The following FAM13A variants were observed in gnomAD, a reference collection of about 807,000 sequenced individuals.
The protein encoded by FAM13A is family with sequence similarity 13 member A, also known as protein FAM13A.
Under a neutral mutation model 129.6 loss-of-function variants are expected in FAM13A, and 76 were observed. The observed-to-expected ratio is 0.59, with a 90% CI of 0.49 to 0.71. FAM13A has a LOEUF of 0.71. Ranked by LOEUF, FAM13A falls within the 30% of genes least tolerant of loss-of-function variation. The probability of loss-of-function intolerance (pLI) is 0.00; values close to 1 mark genes in which losing one functional copy is unlikely to be tolerated. For synonymous variants in FAM13A, 443 were observed against 449.9 expected, an observed-to-expected ratio of 0.98 and a Z score of 0.20; for missense variants, 1,108 against 1,249.3, an observed-to-expected ratio of 0.89 and a Z score of 1.70.
At chr4:88,888,523 T>G (rs1040417313) in intron 6 of FAM13A, among the ~76,000 whole-genome samples, 11 of 152,076 alleles carry the variant, frequency 7.2e-5, no homozygotes, top group Non-Finnish European at 1.5e-4. Flanking sequence ...ACTGTCAACT[T>G]CCTTCAAGCC....
At chr4:89,044,620 C>T (rs1052577858) in intron 1 of FAM13A, among the ~76,000 whole-genome samples, 10 of 152,006 alleles carry the variant, frequency 6.6e-5, no homozygotes, top group Admixed American at 3.9e-4. Context: ...ATTTGTTCAA[C>T]GATGTTCATA....
At chr4:88,816,009 T>C (rs1435957957) in intron 7 of FAM13A, among the ~76,000 whole-genome samples, 1 of 151,346 alleles carries the variant, frequency 6.6e-6, no homozygotes, top group Non-Finnish European at 1.5e-5. Flanking sequence ...GAAAGGTAAA[T>C]TCAACTTTTT....
chr4:88,903,832 AAC>A (rs1747694217), intron 6 of FAM13A, among the ~76,000 whole-genome samples: 1 of 152,226 alleles, frequency 6.6e-6, no homozygotes, highest in East Asian at 1.9e-4. Context: ...CACCATAGTG[AAC>A]ACACAACCTG....
At chr4:89,039,335 A>G (rs2149153622) in intron 1 of FAM13A, among the ~76,000 whole-genome samples, 1 of 152,360 alleles carries the variant, frequency 6.6e-6, no homozygotes, top group Non-Finnish European at 1.5e-5. Context: ...TTTATTAAAG[A>G]AAAACATGGA....
chr4:88,961,529 G>A lies in FAM13A; in HGVS notation c.606-23288C>T, dbSNP rs550138799. Among the ~76,000 whole-genome samples the A allele has an allele frequency of 1.0e-3, 154 of 151,816 alleles. 1 individual carries two copies. Among genetic ancestry groups the A allele is most frequent in the Non-Finnish European group, 1.7e-3 (114 of 67,916 alleles). On this transcript the variant is annotated intron_variant, in intron 4 of 23. Transcript: ENST00000264344. ...ACTACAGGCGTGCACCACAATGCCC[G>A]GCTAATTTTTTGTATTTTTAGTAGA... is the stretch of plus-strand genomic sequence containing the variant.
intron 3 of FAM13A, among the ~76,000 whole-genome samples, chr4:89,002,212 G>C (rs914387051): frequency 6.8e-6 from 1 of 147,812 alleles, no homozygotes; most frequent in South Asian, 2.1e-4. Context: ...AGAGGAAACA[G>C]AAGAGTATGA....
At position 88,945,876 on chromosome 4, in the gene FAM13A, T is replaced by C. The variant is rs180766108; in HGVS notation, c.606-7635A>G. ...TATATATATACACATAGAATACATATATACTATGTATTCTATGTGTGTATA... is the reference window on the plus strand; with the variant it reads ...TATATATATACACATAGAATACATACATACTATGTATTCTATGTGTGTATA... On this transcript the variant is annotated intron_variant, in intron 4 of 23. Coordinates refer to ENST00000264344, the MANE Select transcript of FAM13A (RefSeq NM_014883.4). Among the ~76,000 whole-genome samples the C allele has an allele frequency of 2.1e-3, 254 of 123,032 alleles. 1 individual carries two copies. Among genetic ancestry groups the C allele is most frequent in the African/African-American group, 7.4e-3 (228 of 30,768 alleles). The allele number at this position is 123,032 out of a possible 152,430, so 80.7% of individuals were successfully genotyped here.
chr4:88,985,848 T>TAAA lies in FAM13A; in HGVS notation c.605+5122_605+5124dup, dbSNP rs56061264. 9.2e-4 allele frequency among the ~76,000 whole-genome samples: 134 copies of TAAA among 144,932 alleles called. 1 individual carries two copies. Among genetic ancestry groups the TAAA allele is most frequent in the African/African-American group, 3.0e-3 (119 of 39,848 alleles). ...AGTAATACACAAGCACAAAAAAGAA[T>TAAA]AAAAAAAAAAAAACTGTTGGAATGA... On this transcript the variant is annotated intron_variant, in intron 4 of 23. Transcript: ENST00000264344.
At position 88,737,653 on chromosome 4, in the gene FAM13A, T is replaced by G. The variant is rs567854902; in HGVS notation, c.2563-98A>C. ...GACCTCACCAGTATTTATTAACTTT[T>G]AACTCTGCATTCTTATCCCTCCCTG... On this transcript the variant is annotated intron_variant, in intron 20 of 23. Transcript: ENST00000264344. The G allele has an allele frequency of 1.1e-5, 10 of 909,788 alleles. 1 individual carries two copies. In the South Asian group the frequency reaches 1.4e-4, roughly 13 times the overall value. The allele number at this position is 909,788 out of a possible 1,614,324, so 56.4% of individuals were successfully genotyped here.
chr4:88,753,086 G>C (rs528323583), intron 14 of FAM13A, among the ~76,000 whole-genome samples: 1 of 152,284 alleles, frequency 6.6e-6, no homozygotes, highest in East Asian at 1.9e-4. Context: ...TAGTTTAAAA[G>C]GTGTTACCTT....
intron 5 of FAM13A, among the ~76,000 whole-genome samples, chr4:88,913,093 AGAGGAG>A (rs1249621468): frequency 6.6e-6 from 1 of 150,704 alleles, no homozygotes. Flanking sequence ...AAGAAGAAGA[AGAGGAG>A]GAGGAGGAAG....
intron 6 of FAM13A, among the ~76,000 whole-genome samples, chr4:88,859,902 G>T (rs1327763128): frequency 6.6e-6 from 1 of 152,020 alleles, no homozygotes; most frequent in Admixed American, 6.6e-5. Context: ...TTTCATTTTT[G>T]TATCTCCTGC....
intron 2 of FAM13A, among the ~76,000 whole-genome samples, chr4:89,021,974 A>C (rs958318734): frequency 6.6e-6 from 1 of 152,208 alleles, no homozygotes; most frequent in Non-Finnish European, 1.5e-5. Context: ...GCTACACACC[A>C]TGTAAGTGAA....
chr4:89,057,152 T>G lies in FAM13A; in HGVS notation c.-188A>C. The G allele has an allele frequency of 1.4e-6, 2 of 1,435,980 alleles. No individual in the cohort carries two copies. Among genetic ancestry groups the G allele is most frequent in the Non-Finnish European group, 1.8e-6 (2 of 1,096,618 alleles). The allele number at this position is 1,435,980 out of a possible 1,614,324, so 89.0% of individuals were successfully genotyped here. A position where few individuals can be genotyped will look rare whatever the true frequency, so the allele number is the denominator to read the frequency against. On this transcript the variant is annotated 5_prime_UTR_variant, in exon 1 of 24. Transcript: ENST00000264344. Reference sequence around the variant, plus strand: ...AGAGTGGTTTTGCTTCTCTTTCCGCTGAACCCACATGGCTGGAAGGACTGC... The same window carrying G: ...AGAGTGGTTTTGCTTCTCTTTCCGCGGAACCCACATGGCTGGAAGGACTGC...
rs1208423900 is a variant in FAM13A, at chr4:88,727,211, G to A, written c.*1322C>T. The A allele has an allele frequency of 6.6e-6, 1 of 152,658 alleles. No homozygotes were observed. The highest frequency in any genetic ancestry group is 2.4e-5 in the African/African-American group (1 of 41,440). The allele number at this position is 152,658 out of a possible 1,614,324, so 9.5% of individuals were successfully genotyped here. On this transcript the variant is annotated 3_prime_UTR_variant, in exon 24 of 24. Coordinates refer to ENST00000264344, the MANE Select transcript of FAM13A (RefSeq NM_014883.4). ...AGCCGTGGCAGGCGAGCAGATGCCT[G>A]GGCTCGGCCTCGCAAAGCACAAAGG...
chr4:88,758,849 T>C lies in FAM13A; in HGVS notation c.1631A>G (p.Gln544Arg). ...EHPSLSDTKQ[Q>R]RNQDAGDQEE... ...CTGGTCACCGGCATCTTGATTTCTC[T>C]GCTGTTTGGTGTCAGATAGGCTGGG... The change falls in exon 14 of 24, where the codon CAG becomes CGG. Residue 544 changes from glutamine to arginine, a missense_variant. By Grantham distance (43) the Gln-to-Arg change is conservative. Around this residue, in one of 3 missense-constraint regions of FAM13A, gnomAD observed 529 missense variants for 621.2 expected, o/e 0.85. Transcript: ENST00000264344. 6.2e-7 allele frequency: 1 copy of C among 1,614,044 alleles called. No homozygotes were observed. Among genetic ancestry groups the C allele is most frequent in the Non-Finnish European group, 8.5e-7 (1 of 1,179,912 alleles).
At chr4:88,943,636 C>T (rs1755150141) in intron 4 of FAM13A, among the ~76,000 whole-genome samples, 1 of 152,216 alleles carries the variant, frequency 6.6e-6, no homozygotes. Flanking sequence ...CAAGACGGTT[C>T]ACAGAAAAGA....
chr4:88,800,696 C>CAAAAAAAAAAAAAAAAAAAAAAAAAA (rs1185321303), intron 8 of FAM13A, among the ~76,000 whole-genome samples: 1 of 54,148 alleles, frequency 1.8e-5, no homozygotes, highest in Non-Finnish European at 3.8e-5. Context: ...GAAACAAAAA[C>CAAAAAAAAAAAAAAAAAAAAAAAAAA]AAAAAAAAAA....
At chr4:88,849,475 C>T (rs1434624337) in intron 7 of FAM13A, among the ~76,000 whole-genome samples, 1 of 152,196 alleles carries the variant, frequency 6.6e-6, no homozygotes, top group Non-Finnish European at 1.5e-5. Context: ...TTATCTCTGC[C>T]TGGAATGCTC....
Sources: gnomAD v4.1 joint callset for allele counts (sites outside exome capture counted in the v4.1 genomes callset) on GRCh38, gnomAD v4.1.1 for gene constraint, gnomAD v4.1.1 regional missense constraint, MANE v1.5 for transcripts, NCBI Gene and HGNC (gene_info 2026-07-23, HGNC 2026-07-21) for gene names.